EXOC3L2: variants seen among roughly 807,000 people sequenced by gnomAD.
The protein encoded by EXOC3L2 is exocyst complex component 3 like 2, also known as exocyst complex component 3-like protein 2.
EXOC3L2 carries 17 observed loss-of-function variants against 44.4 expected under a neutral mutation model. The ratio of observed to expected loss-of-function variants is 0.38; its 90% CI spans 0.26 to 0.57. EXOC3L2 has a LOEUF of 0.57. Ranked by LOEUF, EXOC3L2 falls within the 20% of genes least tolerant of loss-of-function variation. EXOC3L2 has a pLI of 0.65. For missense variants in EXOC3L2, 541 were observed against 588.4 expected, an observed-to-expected ratio of 0.92 and a Z score of 0.83; for synonymous variants, 256 against 253.7, an observed-to-expected ratio of 1.01 and a Z score of -0.09.
chr19:45,216,319 T>C (rs1387009630), intron 10 of EXOC3L2, 125 bp from the exon 11 acceptor site: 2 of 1,342,532 alleles, frequency 1.5e-6, no homozygotes, highest in East Asian at 5.2e-5. Context: ...CTCAAGCCTG[T>C]AATCCCAGCA....
At chr19:45,213,446 C>T in intron 11 of EXOC3L2, 89 bp from the exon 12 acceptor site, 1 of 1,516,280 alleles carries the variant, frequency 6.6e-7, no homozygotes, top group South Asian at 1.2e-5. Flanking sequence ...GACCCCCTCA[C>T]CTATCCCAGA....
chr19:45,236,985 A>G (rs1205028594), intron 2 of EXOC3L2, among the ~76,000 whole-genome samples: 1 of 151,222 alleles, frequency 6.6e-6, no homozygotes, highest in Non-Finnish European at 1.5e-5. Flanking sequence ...AGCCTGGGCA[A>G]CAGAGTGAGA....
Position 45,213,092 on chromosome 19 carries a change from C to G in EXOC3L2, c.2386G>C (p.Ala796Pro). Residue 796 changes from alanine to proline, a missense_variant, in exon 12 of 12, where the codon GCG becomes CCG. Ala to Pro is a conservative substitution (Grantham distance 27). Coordinates refer to ENST00000413988, the MANE Select transcript of EXOC3L2 (RefSeq NM_001382422.1). Reference protein sequence around the residue: ...CLPRPRPPSLARPRAQR With the variant: ...CLPRPRPPSLPRPRAQR ...CCTCAGCGCTGGGCCCGAGGTCGCGCTAGAGACGGAGGCCGGGGCCGAGGC... is the reference window on the plus strand; with the variant it reads ...CCTCAGCGCTGGGCCCGAGGTCGCGGTAGAGACGGAGGCCGGGGCCGAGGC... 6.6e-7 allele frequency: 1 copy of G among 1,520,738 alleles called. No individual in the cohort carries two copies. Among genetic ancestry groups the G allele is most frequent in the African/African-American group, 1.4e-5 (1 of 71,898 alleles). 94.2% of individuals were successfully genotyped at this position (1,520,738 alleles called of 1,614,324 possible).
chr19:45,226,298 T>G (rs535797287), intron 7 of EXOC3L2, among the ~76,000 whole-genome samples: 1 of 152,274 alleles, frequency 6.6e-6, no homozygotes, highest in African/African-American at 2.4e-5. Flanking sequence ...CACAGACTGC[T>G]ACAATGATAG....
intron 8 of EXOC3L2, among the ~76,000 whole-genome samples, chr19:45,224,506 A>G (rs1265175496): frequency 6.6e-6 from 1 of 151,978 alleles, no homozygotes; most frequent in Admixed American, 6.6e-5. Context: ...TCTGGGGTCT[A>G]GGAGAGCCTG....
At chr19:45,221,806 C>T (rs1275160039) in intron 8 of EXOC3L2, among the ~76,000 whole-genome samples, 1 of 151,842 alleles carries the variant, frequency 6.6e-6, no homozygotes, top group Non-Finnish European at 1.5e-5. Flanking sequence ...CACCACCACA[C>T]CCAGCTTATT....
chr19:45,230,567 T>C (rs1199804687), intron 4 of EXOC3L2, among the ~76,000 whole-genome samples: 1 of 152,106 alleles, frequency 6.6e-6, no homozygotes, highest in Non-Finnish European at 1.5e-5. Context: ...CAGGCTGGTC[T>C]TGAACTCCTG....
intron 8 of EXOC3L2, among the ~76,000 whole-genome samples, chr19:45,222,006 G>A (rs1969903642): frequency 6.6e-6 from 1 of 151,362 alleles, no homozygotes; most frequent in Non-Finnish European, 1.5e-5. Flanking sequence ...CCCACATAAT[G>A]CCTGGGCCCT....
intron 2 of EXOC3L2, among the ~76,000 whole-genome samples, chr19:45,236,266 G>C (rs1223611454): frequency 6.6e-6 from 1 of 151,866 alleles, no homozygotes; most frequent in Non-Finnish European, 1.5e-5. Context: ...AGGAGTTCAA[G>C]ACCAGACTGA....
chr19:45,233,232 T>C (rs576198514), intron 3 of EXOC3L2, among the ~76,000 whole-genome samples: 37 of 151,960 alleles, frequency 2.4e-4, no homozygotes, highest in Middle Eastern at 6.8e-3. Context: ...AATAAATAAA[T>C]AAATAAATAA....
chr19:45,236,744 C>T (rs1430088783), intron 2 of EXOC3L2, among the ~76,000 whole-genome samples: 5 of 151,982 alleles, frequency 3.3e-5, no homozygotes, highest in Admixed American at 6.6e-5. Flanking sequence ...TGCTTGTAAT[C>T]CCAGCACTTT....
chr19:45,216,161 G>T lies in EXOC3L2; in HGVS notation c.2032C>A (p.Pro678Thr). 4 of 1,613,950 alleles carry T rather than the reference G, an allele frequency of 2.5e-6. No homozygotes were observed. In the South Asian group the frequency reaches 3.3e-5, roughly 13 times the overall value. The change falls in exon 11 of 12, where the codon CCC becomes ACC. Residue 678 changes from proline (P) to threonine (T), a missense_variant. Physicochemically the swap from Pro to Thr is conservative, Grantham distance 38. Coordinates refer to ENST00000413988, the MANE Select transcript of EXOC3L2 (RefSeq NM_001382422.1). ...AGCTGCATGACTTCAGCCAAATGGG[G>T]CACCACGGCATCCAGCCACGAGGCC... ...SQASWLDAVVPHLAEVMQLED... is the reference protein window; with the variant it reads ...SQASWLDAVVTHLAEVMQLED...
Position 45,234,187 on chromosome 19 carries a change from G to C in EXOC3L2, c.1157+6C>G, listed in dbSNP as rs1193761309. 2.0e-5 allele frequency: 8 copies of C among 396,534 alleles called. 1 individual carries two copies. Among genetic ancestry groups the C allele is most frequent in the African/African-American group, 1.6e-4 (8 of 48,502 alleles). 24.6% of individuals were successfully genotyped at this position (396,534 alleles called of 1,614,324 possible). On this transcript the variant is annotated splice_donor_region_variant and intron_variant, in intron 3 of 11. Transcript: ENST00000413988. The surrounding 1 kb of genome is among the most constrained non-coding windows in gnomAD (Gnocchi z 5.0). The stretch of plus-strand genomic sequence containing the variant: ...ACGTGACCTTGGGCAACTGAGTCCA[G>C]CTTACCTGGGGTAGACCTGATTGTG...
At position 45,234,369 on chromosome 19, in the gene EXOC3L2, C is replaced by T; in HGVS notation, c.981G>A (p.Met327Ile). The T allele has an allele frequency of 2.9e-6, 1 of 346,690 alleles. No homozygotes were observed. The highest frequency in any genetic ancestry group is 5.2e-6 in the Non-Finnish European group (1 of 192,662). The allele number at this position is 346,690 out of a possible 1,614,324, so 21.5% of individuals were successfully genotyped here. ...GCGCCAGGCGGCCCCGCACCACGGC[C>T]ATATCCTCCAGCAGCCGCGCCCGCA... The part of the protein sequence containing the change: ...EALRARLLED[M>I]AVVRGRLAPA... Residue 327 changes from methionine (M) to isoleucine (I), a missense_variant, in exon 3 of 12, where the codon ATG becomes ATA. By Grantham distance (10) the Met-to-Ile change is conservative. Coordinates refer to ENST00000413988, the MANE Select transcript of EXOC3L2 (RefSeq NM_001382422.1). This position sits in a 1 kb window ranked among gnomAD's most constrained non-coding sequence, Gnocchi z 5.0.
In EXOC3L2 at chr19:45,212,864, T is replaced by G; in HGVS notation, c.*205A>C. The G allele has an allele frequency of 5.8e-6, 3 of 520,586 alleles. No individual in the cohort carries two copies. Among genetic ancestry groups the G allele is most frequent in the South Asian group, 4.1e-5 (1 of 24,412 alleles). The allele number at this position is 520,586 out of a possible 1,614,324, so 32.2% of individuals were successfully genotyped here. ...ATCCTCCGGCCTCAGCCTCCCAAAGTGTTGGGATTACAGGCATGAGCCACC... is the reference window on the plus strand; with the variant it reads ...ATCCTCCGGCCTCAGCCTCCCAAAGGGTTGGGATTACAGGCATGAGCCACC... On this transcript the variant is annotated 3_prime_UTR_variant, in exon 12 of 12. Transcript: ENST00000413988.
At chr19:45,229,200 A>G (rs764252676) in intron 4 of EXOC3L2, among the ~76,000 whole-genome samples, 1 of 122,986 alleles carries the variant, frequency 8.1e-6, no homozygotes, top group Non-Finnish European at 1.7e-5. Context: ...TTAAATATAT[A>G]CATATATTTA....
Position 45,216,191 on chromosome 19 carries a change from A to G in EXOC3L2, c.2002T>C (p.Ser668Pro), listed in dbSNP as rs751561301. ...QLQRLFRRLE[S>P]QASWLDAVVP... is the part of the protein sequence containing the mutation. ...ACGGCATCCAGCCACGAGGCCTGGG[A>G]CTCCTGCAGGGGAGGGAGGGTGCGG... The change falls in exon 11 of 12, where the codon TCC becomes CCC. Residue 668 changes from serine (S) to proline (P), a missense_variant. By Grantham distance (74) the Ser-to-Pro change is moderately conservative (BLOSUM62 -1). Coordinates refer to ENST00000413988, the MANE Select transcript of EXOC3L2 (RefSeq NM_001382422.1). The G allele has an allele frequency of 2.5e-6, 4 of 1,612,242 alleles. No homozygotes were observed. The African/African-American group carries it at 5.4e-5, about 22-fold the overall frequency.
Position 45,224,796 on chromosome 19 carries a change from C to A in EXOC3L2, c.1701G>T (p.Leu567=), listed in dbSNP as rs147446751. 3.2e-6 allele frequency: 5 copies of A among 1,560,110 alleles called. No homozygotes were observed. Among genetic ancestry groups the A allele is most frequent in the Middle Eastern group, 1.7e-4 (1 of 5,928 alleles). The change falls in exon 8 of 12, where the codon CTG becomes CTT. Residue 567 remains leucine, a synonymous_variant. Transcript: ENST00000413988. The part of the protein sequence containing the change: ...TRLCHRVVAN[L]LFQELQPHFN... The stretch of plus-strand genomic sequence containing the variant: ...CACTCACCTGCAGCTCCTGGAACAG[C>A]AGGTTGGCCACGACACGGTGGCAGA...
intron 10 of EXOC3L2, chr19:45,216,627 C>T (rs1969838269): frequency 6.5e-6 from 1 of 154,088 alleles, no homozygotes; most frequent in African/African-American, 2.4e-5. Flanking sequence ...TAGCAGAAGA[C>T]ATACTATGGC....
Sources: gnomAD v4.1 joint callset for allele counts (sites outside exome capture counted in the v4.1 genomes callset) on GRCh38, gnomAD v4.1.1 for gene constraint, Gnocchi (gnomAD v3.1) non-coding constraint, MANE v1.5 for transcripts, NCBI Gene and HGNC (gene_info 2026-07-23, HGNC 2026-07-21) for gene names.